The following PPP2R2B variants were observed in gnomAD, a reference collection of about 807,000 sequenced individuals.
PPP2R2B encodes serine/threonine-protein phosphatase 2A 55 kDa regulatory subunit B beta isoform.
Under a neutral mutation model 46.0 loss-of-function variants are expected in PPP2R2B, and 5 were observed. That is an observed-to-expected ratio of 0.11 (90% CI 0.06 to 0.23). The LOEUF is 0.23. PPP2R2B is among the 10% of genes least tolerant of loss of function. PPP2R2B has a pLI of 1.00. For missense variants in PPP2R2B, 367 were observed against 575.0 expected (o/e 0.64, Z 3.70); for synonymous variants, 215 against 206.7 (o/e 1.04, Z -0.34).
chr5:147,001,791 G>A (rs965477021), intron 1 of PPP2R2B, among the ~76,000 whole-genome samples: 1 of 152,046 alleles, frequency 6.6e-6, no homozygotes, highest in African/African-American at 2.4e-5. Flanking sequence ...GACTAAAGAC[G>A]CGGGTGCCAG....
chr5:146,643,210 G>A (rs1359023905), intron 6 of PPP2R2B, among the ~76,000 whole-genome samples: 1 of 152,066 alleles, frequency 6.6e-6, no homozygotes, highest in Non-Finnish European at 1.5e-5. Context: ...GAGAGAGGGA[G>A]ACAGACAAGG....
chr5:146,846,753 T>C (rs1760038598), intron 2 of PPP2R2B, among the ~76,000 whole-genome samples: 1 of 152,210 alleles, frequency 6.6e-6, no homozygotes, highest in Non-Finnish European at 1.5e-5. Flanking sequence ...ATTACATATG[T>C]GGCTTATGTT....
intron 2 of PPP2R2B, among the ~76,000 whole-genome samples, chr5:146,819,515 A>G (rs1758132279): frequency 6.6e-6 from 1 of 152,192 alleles, no homozygotes; most frequent in African/African-American, 2.4e-5. Context: ...GACCTTCCTA[A>G]CAAAAGAATA....
intron 2 of PPP2R2B, among the ~76,000 whole-genome samples, chr5:146,788,086 C>T (rs192540954): frequency 6.6e-6 from 1 of 152,118 alleles, no homozygotes; most frequent in Non-Finnish European, 1.5e-5. Flanking sequence ...GAGAATCCCT[C>T]CCTCTGCCTC....
intron 1 of PPP2R2B, among the ~76,000 whole-genome samples, chr5:146,895,158 T>C (rs899753069): frequency 6.6e-6 from 1 of 152,226 alleles, no homozygotes; most frequent in African/African-American, 2.4e-5. Flanking sequence ...GAAAGCTCCA[T>C]GTATGCTCCA....
chr5:146,956,578 G>C (rs1197659960), intron 1 of PPP2R2B, among the ~76,000 whole-genome samples: 1 of 152,080 alleles, frequency 6.6e-6, no homozygotes, highest in East Asian at 1.9e-4. Flanking sequence ...CTTTCCATAA[G>C]TCTCCCCATG....
At position 146,666,341 on chromosome 5, in the gene PPP2R2B, T is replaced by C. The variant is rs532058546; in HGVS notation, c.448-15617A>G. 2.0e-3 allele frequency among the ~76,000 whole-genome samples: 306 copies of C among 152,260 alleles called. 2 individuals are homozygous for C. The highest frequency in any genetic ancestry group is 7.1e-3 in the African/African-American group (296 of 41,560). ...ACTAGCAACCTTAGTTACCCTGAGA[T>C]ATGGAACCGTAAATATAGTATTATT... On this transcript the variant is annotated intron_variant, in intron 5 of 9. Transcript: ENST00000394411.
Position 147,013,354 on chromosome 5 carries a change from T to C in PPP2R2B, c.79+42311A>G, listed in dbSNP as rs1464133247. On this transcript the variant is annotated intron_variant, in intron 1 of 8. Transcript: ENST00000336640. ...AATGCCATCCCCATCAAGCTACCAA[T>C]GCCTTTCTTCACAGAATTGGAAAAA... Among the ~76,000 whole-genome samples the C allele has an allele frequency of 6.3e-5, 6 of 95,378 alleles. 1 individual carries two copies. The highest frequency in any genetic ancestry group is 1.9e-4 in the African/African-American group (6 of 31,530). 62.6% of individuals were successfully genotyped at this position (95,378 alleles called of 152,430 possible). A position where few individuals can be genotyped will look rare whatever the true frequency, so the allele number is the denominator to read the frequency against.
chr5:147,061,211 G>C (rs1757247475), intron 2 of PPP2R2B, among the ~76,000 whole-genome samples: 1 of 152,086 alleles, frequency 6.6e-6, no homozygotes, highest in Non-Finnish European at 1.5e-5. Flanking sequence ...AAAGAGGTAG[G>C]TAATAAACAA....
chr5:146,678,090 T>A (rs1646418), intron 5 of PPP2R2B, among the ~76,000 whole-genome samples: 36,968 of 152,076 alleles, frequency 0.24, 6,580 homozygotes, highest in African/African-American at 0.5. Flanking sequence ...GCCATTGCTG[T>A]TGGGAGGCCA....
intron 2 of PPP2R2B, among the ~76,000 whole-genome samples, chr5:146,837,778 A>G (rs1759381614): frequency 2.0e-5 from 3 of 152,360 alleles, no homozygotes; most frequent in Admixed American, 2.0e-4. Context: ...AACATTTCAC[A>G]TGCACAAGAC....
At chr5:146,848,487 T>C (rs1760142105) in intron 2 of PPP2R2B, among the ~76,000 whole-genome samples, 1 of 152,174 alleles carries the variant, frequency 6.6e-6, no homozygotes, top group African/African-American at 2.4e-5. Context: ...CTTGACAGTT[T>C]TGAGGAATAG....
At chr5:146,602,193 T>G (rs1313157362) in intron 7 of PPP2R2B, among the ~76,000 whole-genome samples, 1 of 152,204 alleles carries the variant, frequency 6.6e-6, no homozygotes, top group African/African-American at 2.4e-5. Flanking sequence ...TCTCTTACAA[T>G]GGAACTATCA....
intron 1 of PPP2R2B, among the ~76,000 whole-genome samples, chr5:147,049,669 A>G (rs78688142): frequency 0.026 from 3,902 of 152,218 alleles, 171 homozygotes; most frequent in African/African-American, 0.089. Flanking sequence ...AAACAGAGAG[A>G]AAGAGTGGGT....
chr5:146,701,361 C>G (rs1326360789), intron 2 of PPP2R2B: 4 of 681,796 alleles, frequency 5.9e-6, no homozygotes, highest in Non-Finnish European at 7.9e-6. Context: ...CCTGGAACAT[C>G]TGGAGAGAAT....
At chr5:146,951,490 C>A (rs1007592178) in intron 1 of PPP2R2B, among the ~76,000 whole-genome samples, 2 of 152,088 alleles carry the variant, frequency 1.3e-5, no homozygotes, top group East Asian at 1.9e-4. Context: ...AGCTATTTTT[C>A]CTGATGCTCT....
intron 2 of PPP2R2B, among the ~76,000 whole-genome samples, chr5:147,062,979 G>T: frequency 1.0e-5 from 1 of 96,022 alleles, no homozygotes; most frequent in Non-Finnish European, 2.0e-5. Context: ...AGGGAGGGAG[G>T]GAGGGAGGGA....
At chr5:146,935,151 T>C (rs933856764) in intron 1 of PPP2R2B, among the ~76,000 whole-genome samples, 2 of 152,200 alleles carry the variant, frequency 1.3e-5, no homozygotes, top group African/African-American at 4.8e-5. Context: ...AATCCTAACC[T>C]GCAAGGTGAT....
intron 4 of PPP2R2B, among the ~76,000 whole-genome samples, chr5:146,695,010 A>G (rs916126446): frequency 6.6e-6 from 1 of 152,094 alleles, no homozygotes; most frequent in Non-Finnish European, 1.5e-5. Context: ...CAGCTAAAGG[A>G]CTAATCGTAG....
Sources: allele counts gnomAD v4.1 joint callset (sites outside exome capture counted in the v4.1 genomes callset), GRCh38; gene constraint gnomAD v4.1.1; transcripts MANE v1.5; gene names NCBI Gene and HGNC (gene_info 2026-07-23, HGNC 2026-07-21).